SAMSN1: variants seen among roughly 807,000 people sequenced by gnomAD.
SAMSN1 encodes the protein SAM domain, SH3 domain and nuclear localization signals 1.
A neutral mutation model predicts 42.0 loss-of-function variants in SAMSN1; 31 were observed. The ratio of observed to expected loss-of-function variants is 0.74; its 90% CI spans 0.55 to 1.00. SAMSN1 has a LOEUF of 1.00. SAMSN1 is among the 50% of genes least tolerant of loss of function. The pLI is 0.00. For synonymous variants in SAMSN1, 178 were observed against 151.9 expected (o/e 1.17, Z -1.26); for missense variants, 464 against 439.4 (o/e 1.06, Z -0.50).
chr21:14,571,342 A>G (rs566667621), intron 2 of SAMSN1, among the ~76,000 whole-genome samples: 13 of 152,268 alleles, frequency 8.5e-5, no homozygotes, highest in African/African-American at 2.9e-4. Flanking sequence ...AATCCTTTCT[A>G]TGAGTGAGAC....
chr21:14,596,671 A>G (rs1982271388), intron 6 of SAMSN1, among the ~76,000 whole-genome samples: 1 of 152,200 alleles, frequency 6.6e-6, no homozygotes, highest in Non-Finnish European at 1.5e-5. Context: ...AGCCTCATGG[A>G]TAGACCAAAG....
chr21:14,546,669 T>TA (rs35353684), upstream of SAMSN1, among the ~76,000 whole-genome samples: 1,675 of 145,878 alleles, frequency 0.011, 23 homozygotes, highest in African/African-American at 0.035. Context: ...TTCTATTATT[T>TA]AAAAAAAAAA....
chr21:14,516,344 G>T (rs1987916863), intron 3 of SAMSN1, among the ~76,000 whole-genome samples: 1 of 152,116 alleles, frequency 6.6e-6, no homozygotes, highest in African/African-American at 2.4e-5. Flanking sequence ...TTAATGACAT[G>T]TTGTTCTTCA....
At chr21:14,626,413 G>T (rs1983172430) in intron 2 of SAMSN1, among the ~76,000 whole-genome samples, 1 of 152,146 alleles carries the variant, frequency 6.6e-6, no homozygotes, top group Admixed American at 6.5e-5. Context: ...AATCTACAAA[G>T]AACTCAAACA....
At chr21:14,593,722 T>C (rs539143590) in intron 7 of SAMSN1, 68 of 239,568 alleles carry the variant, frequency 2.8e-4, no homozygotes, top group Admixed American at 1.4e-3. Flanking sequence ...ACGACATGCT[T>C]TTTAACATTA....
intron 2 of SAMSN1, among the ~76,000 whole-genome samples, chr21:14,573,087 G>C (rs941294433): frequency 3.3e-5 from 5 of 152,168 alleles, no homozygotes; most frequent in African/African-American, 9.7e-5. Flanking sequence ...ATGTGTCTCT[G>C]TGCTGAAAAC....
At chr21:14,524,002 C>A (rs906646637) in intron 1 of SAMSN1, among the ~76,000 whole-genome samples, 3 of 152,074 alleles carry the variant, frequency 2.0e-5, no homozygotes, top group South Asian at 2.1e-4. Flanking sequence ...TGTTAAGACA[C>A]CCTTAAGAAG....
At chr21:14,596,912 TTTTG>T (rs2123288017) in intron 6 of SAMSN1, among the ~76,000 whole-genome samples, 1 of 152,302 alleles carries the variant, frequency 6.6e-6, no homozygotes, top group Admixed American at 6.5e-5. Flanking sequence ...AAATAATTTT[TTTTG>T]TTTGTTTTAA....
chr21:14,655,340 A>G (rs1286960670), intron 1 of SAMSN1, among the ~76,000 whole-genome samples: 4 of 151,788 alleles, frequency 2.6e-5, no homozygotes, highest in African/African-American at 4.8e-5. Context: ...ACAAAATACT[A>G]CTAATAGAAA....
intron 2 of SAMSN1, among the ~76,000 whole-genome samples, chr21:14,577,050 T>C: frequency 1.0e-5 from 1 of 97,090 alleles, no homozygotes; most frequent in African/African-American, 5.9e-5. Context: ...ATCCGTTTCT[T>C]TTTTTTTTTT....
chr21:14,559,004 T>G (rs1407797694), intron 2 of SAMSN1, among the ~76,000 whole-genome samples: 1 of 152,144 alleles, frequency 6.6e-6, no homozygotes, highest in Non-Finnish European at 1.5e-5. Context: ...AAATGAAATA[T>G]CTCCTCACCC....
chr21:14,511,967 T>A (rs188454282), intron 4 of SAMSN1, among the ~76,000 whole-genome samples: 3 of 151,910 alleles, frequency 2.0e-5, no homozygotes, highest in African/African-American at 7.2e-5. Context: ...TGTGCTACAT[T>A]TTTCAGAGTA....
intron 1 of SAMSN1, among the ~76,000 whole-genome samples, chr21:14,534,645 A>G (rs779080015): frequency 5.9e-5 from 9 of 151,922 alleles, no homozygotes; most frequent in Non-Finnish European, 1.3e-4. Flanking sequence ...CCTCCCAAGT[A>G]GCTGGGATTA....
Position 14,500,633 on chromosome 21 carries a change from T to C in SAMSN1, c.664A>G (p.Ile222Val). The C allele has an allele frequency of 6.2e-7, 1 of 1,614,148 alleles. No homozygotes were observed. The highest frequency in any genetic ancestry group is 1.6e-4 in the Middle Eastern group (1 of 6,062). ...TTGGGGGCTGCTTCCTCTTCTGAGA[T>C]GACATCCACATAAATGAATTTGAAG... ...GNFKFIYVDV[I>V]SEEEAAPKKI... is the part of the protein sequence containing the mutation. Residue 222 changes from isoleucine (I) to valine (V), a missense_variant, in exon 6 of 8, where the codon ATC (isoleucine) becomes GTC (valine). Coordinates refer to ENST00000400566, the MANE Select transcript of SAMSN1 (RefSeq NM_022136.5).
chr21:14,516,806 A>G, intron 3 of SAMSN1, 86 bp downstream of exon 3: 2 of 1,125,504 alleles, frequency 1.8e-6, no homozygotes, highest in Non-Finnish European at 2.5e-6. Flanking sequence ...AGTACTTCAT[A>G]AAGTACCAAG....
chr21:14,575,569 A>G (rs1268441261), intron 2 of SAMSN1, among the ~76,000 whole-genome samples: 1 of 152,214 alleles, frequency 6.6e-6, no homozygotes, highest in Non-Finnish European at 1.5e-5. Context: ...TGTTCCAACA[A>G]CTGATTTTTG....
chr21:14,526,395 C>G (rs1293403400), intron 1 of SAMSN1, among the ~76,000 whole-genome samples: 1 of 152,210 alleles, frequency 6.6e-6, no homozygotes, highest in Non-Finnish European at 1.5e-5. Context: ...GTCCACTTGG[C>G]TTACCCAAAA....
At chr21:14,586,641 A>C (rs1049960445), upstream of SAMSN1, among the ~76,000 whole-genome samples, 16 of 152,192 alleles carry the variant, frequency 1.1e-4, no homozygotes, top group African/African-American at 3.9e-4. Flanking sequence ...GTGACATAAG[A>C]AATGCTGTAT....
At chr21:14,604,038 C>G (rs948987035) in intron 5 of SAMSN1, among the ~76,000 whole-genome samples, 2 of 152,128 alleles carry the variant, frequency 1.3e-5, no homozygotes, top group Non-Finnish European at 2.9e-5. Context: ...TTTTACAGCC[C>G]CTGCTGTAAA....
Sources: allele counts gnomAD v4.1 joint callset (sites outside exome capture counted in the v4.1 genomes callset), GRCh38; gene constraint gnomAD v4.1.1; transcripts MANE v1.5; gene names NCBI Gene and HGNC (gene_info 2026-07-23, HGNC 2026-07-21).